ZFHX3: variants seen among roughly 807,000 people sequenced by gnomAD.
The protein encoded by ZFHX3 is zinc finger homeobox protein 3.
In ZFHX3, 42 loss-of-function variants were observed where a neutral mutation model predicts 279.1. The ratio of observed to expected loss-of-function variants is 0.15; its 90% CI spans 0.12 to 0.19. The LOEUF is 0.19. ZFHX3 is among the 10% of genes least tolerant of loss of function. The pLI, the probability that ZFHX3 is intolerant of heterozygous loss-of-function variation, is 1.00. For synonymous variants in ZFHX3, 2,293 were observed against 1,957.8 expected (o/e 1.17, Z -4.52); for missense variants, 4,981 against 4,754.0 (o/e 1.05, Z -1.40).
chr16:73,478,866 C>G (rs1481115268), intron 2 of ZFHX3, among the ~76,000 whole-genome samples: 1 of 152,130 alleles, frequency 6.6e-6, no homozygotes, highest in African/African-American at 2.4e-5. Flanking sequence ...GCCTGGCCAG[C>G]ATGGTGAAAC....
chr16:73,605,525 G>A (rs1022915894), intron 2 of ZFHX3, among the ~76,000 whole-genome samples: 11 of 152,068 alleles, frequency 7.2e-5, no homozygotes, highest in African/African-American at 2.7e-4. Flanking sequence ...GGTTTGTCTG[G>A]GTAAGTTAAA....
intron 2 of ZFHX3, among the ~76,000 whole-genome samples, chr16:73,458,063 T>A (rs1369832822): frequency 6.6e-6 from 1 of 152,226 alleles, no homozygotes; most frequent in African/African-American, 2.4e-5. Flanking sequence ...AATAGACACC[T>A]GTTCTTGAAA....
intron 1 of ZFHX3, among the ~76,000 whole-genome samples, chr16:73,006,670 G>A (rs774948717): frequency 6.9e-6 from 1 of 145,860 alleles, no homozygotes; most frequent in Non-Finnish European, 1.5e-5. Flanking sequence ...AAAGGAAAGG[G>A]AGGAAGGAAA....
chr16:72,864,785 A>G (rs2037972189), intron 4 of ZFHX3, among the ~76,000 whole-genome samples: 1 of 152,236 alleles, frequency 6.6e-6, no homozygotes, highest in South Asian at 2.1e-4. Flanking sequence ...AATGAAAGCC[A>G]TCAATCATCT....
intron 1 of ZFHX3, among the ~76,000 whole-genome samples, chr16:73,745,628 A>G (rs1567396364): frequency 6.6e-6 from 1 of 152,218 alleles, no homozygotes; most frequent in Non-Finnish European, 1.5e-5. Context: ...TCCACCTGTC[A>G]TTTTGAGACA....
intron 4 of ZFHX3, among the ~76,000 whole-genome samples, chr16:72,834,877 A>C (rs2037148187): frequency 6.6e-6 from 1 of 152,166 alleles, no homozygotes; most frequent in African/African-American, 2.4e-5. Flanking sequence ...CGGGTATTCT[A>C]CGAATCACTT....
rs554958624 is a variant in ZFHX3 at position 73,839,060 on chromosome 16, T to C, written c.-1608+52591A>G. On this transcript the variant is annotated intron_variant, in intron 1 of 17. Transcript: ENST00000641206. ...AAGCATCCCAGGCGGCTGCTACTAATGTCAGTGGGTACTTGCAGCTCCCCT... is the reference window on the plus strand; with the variant it reads ...AAGCATCCCAGGCGGCTGCTACTAACGTCAGTGGGTACTTGCAGCTCCCCT... Among the ~76,000 whole-genome samples the C allele has an allele frequency of 4.6e-5, 7 of 152,152 alleles. No homozygotes were observed. In the South Asian group the frequency reaches 1.2e-3, roughly 27 times the overall value.
intron 4 of ZFHX3, among the ~76,000 whole-genome samples, chr16:73,293,217 G>C (rs1274344644): frequency 2.0e-5 from 3 of 152,176 alleles, no homozygotes; most frequent in Non-Finnish European, 4.4e-5. Context: ...GAATTTTTGA[G>C]AGAGAATACC....
chr16:73,820,215 G>A lies in ZFHX3; in HGVS notation c.-1608+71436C>T, dbSNP rs552737098. ...TGCCATTCTCCTGCCTCAGCCTCCC[G>A]AGTAGCTGGGACTACAGGCGCCCAC... On this transcript the variant is annotated intron_variant, in intron 1 of 17. Transcript: ENST00000641206. Among the ~76,000 whole-genome samples the A allele has an allele frequency of 4.0e-5, 6 of 151,854 alleles. No individual in the cohort carries two copies. The East Asian group carries it at 7.8e-4, about 20-fold the overall frequency.
At chr16:73,710,877 G>C (rs533743561) in intron 1 of ZFHX3, among the ~76,000 whole-genome samples, 1 of 152,122 alleles carries the variant, frequency 6.6e-6, no homozygotes, top group African/African-American at 2.4e-5. Flanking sequence ...TTAAGTGGCC[G>C]TGCTGAGGGT....
intron 2 of ZFHX3, chr16:73,486,991 C>A (rs769545576): frequency 3.6e-4 from 128 of 351,860 alleles, no homozygotes; most frequent in Non-Finnish European, 6.6e-4. Flanking sequence ...TGGCATAAAA[C>A]CTGCTTGGAA....
chr16:73,415,110 TTC>T (rs1280553588), intron 3 of ZFHX3, among the ~76,000 whole-genome samples: 7 of 152,162 alleles, frequency 4.6e-5, no homozygotes, highest in Admixed American at 3.3e-4. Context: ...TTCCAAATGT[TTC>T]TCTCTCAGTT....
At chr16:73,182,786 C>T (rs1037628495) in intron 5 of ZFHX3, among the ~76,000 whole-genome samples, 3 of 151,034 alleles carry the variant, frequency 2.0e-5, no homozygotes, top group Admixed American at 1.3e-4. Context: ...AGCTGAAAAA[C>T]AGAAAGTCCA....
intron 2 of ZFHX3, among the ~76,000 whole-genome samples, chr16:73,526,205 T>C (rs892783731): frequency 6.6e-6 from 1 of 152,202 alleles, no homozygotes; most frequent in African/African-American, 2.4e-5. Context: ...AGAGAAACAA[T>C]TTAATTCCTC....
chr16:72,963,721 A>G (rs1961695723), intron 1 of ZFHX3, among the ~76,000 whole-genome samples: 1 of 152,174 alleles, frequency 6.6e-6, no homozygotes, highest in Non-Finnish European at 1.5e-5. Flanking sequence ...TGCTGATGAC[A>G]GTTTTATCCT....
At chr16:73,084,055 G>T (rs778390689) in intron 8 of ZFHX3, among the ~76,000 whole-genome samples, 15 of 152,144 alleles carry the variant, frequency 9.9e-5, no homozygotes, top group Non-Finnish European at 1.8e-4. Flanking sequence ...TAGAGGCCAC[G>T]ATTCTGATAA....
Position 72,787,499 on chromosome 16 carries a change from A to G in ZFHX3, c.10777T>C (p.Ser3593Pro). 1 of 1,613,386 alleles carries G rather than the reference A, an allele frequency of 6.2e-7. No homozygotes were observed. Among genetic ancestry groups the G allele is most frequent in the Non-Finnish European group, 8.5e-7 (1 of 1,179,708 alleles). Residue 3593 changes from serine (S) to proline (P), a missense_variant, in exon 10 of 10, where the codon TCA becomes CCA. Ser to Pro is a moderately conservative substitution (Grantham distance 74, BLOSUM62 -1). Transcript: ENST00000268489. ...GACGGGGGAGGGGGGCTGTCGTTTGAGTGAGCGGCAGACTGCGAGGTAGAT... is the reference window on the plus strand; with the variant it reads ...GACGGGGGAGGGGGGCTGTCGTTTGGGTGAGCGGCAGACTGCGAGGTAGAT... ...TASTSQSAAHSNDSPPPPSAA... is the reference protein window; with the variant it reads ...TASTSQSAAHPNDSPPPPSAA...
chr16:73,699,057 G>C (rs1397481866), intron 1 of ZFHX3, among the ~76,000 whole-genome samples: 1 of 152,134 alleles, frequency 6.6e-6, no homozygotes, highest in East Asian at 1.9e-4. Context: ...ACTAATTGCT[G>C]AATTTTTAGT....
At position 72,798,182 on chromosome 16, in the gene ZFHX3, T is replaced by A. The variant is rs746643349; in HGVS notation, c.4500A>T (p.Glu1500Asp). The change falls in exon 9 of 10, where the codon GAA becomes GAT. Residue 1500 changes from glutamate to aspartate, a missense_variant. Coordinates refer to ENST00000268489, the MANE Select transcript of ZFHX3 (RefSeq NM_006885.4). ...CACTGCCCGTTGGGCTCTGTTTATC[T>A]TCCAAGTCACTCTCTTCCTCCTTGT... ...EEDKEEESDL[E>D]DKQSPTGSDS... 1 of 1,614,228 alleles carries A rather than the reference T, an allele frequency of 6.2e-7. No homozygotes were observed.
Sources: allele counts gnomAD v4.1 joint callset (sites outside exome capture counted in the v4.1 genomes callset), GRCh38; gene constraint gnomAD v4.1.1; transcripts MANE v1.5; gene names NCBI Gene and HGNC (gene_info 2026-07-23, HGNC 2026-07-21).